The following SLIT2 variants were observed in gnomAD, a reference collection of about 807,000 sequenced individuals.
SLIT2 encodes slit homolog 2 protein.
A neutral mutation model predicts 185.7 loss-of-function variants in SLIT2; 41 were observed. The observed-to-expected ratio is 0.22, with a 90% CI of 0.17 to 0.29. SLIT2 has a LOEUF of 0.29. Among genes scored for constraint, SLIT2 ranks in the 10% least tolerant of loss-of-function variants. SLIT2 has a pLI of 1.00. For missense variants in SLIT2, 1,571 were observed against 1,909.0 expected (o/e 0.82, Z 3.30); for synonymous variants, 693 against 680.2 (o/e 1.02, Z -0.29).
At chr4:20,494,651 T>A (rs1718068116) in intron 9 of SLIT2, among the ~76,000 whole-genome samples, 1 of 151,800 alleles carries the variant, frequency 6.6e-6, no homozygotes, top group Non-Finnish European at 1.5e-5. Context: ...TGGTCGTGGA[T>A]GCCTGTAGTC....
At chr4:20,475,045 T>C (rs905822841) in intron 5 of SLIT2, among the ~76,000 whole-genome samples, 11 of 151,962 alleles carry the variant, frequency 7.2e-5, no homozygotes, top group Non-Finnish European at 1.3e-4. Flanking sequence ...AGATGATTAT[T>C]AAATGCTGTA....
Position 20,556,124 on chromosome 4 carries a change from G to A in SLIT2, c.2725+2156G>A, listed in dbSNP as rs942001390. Among the ~76,000 whole-genome samples, 5 of 151,920 alleles carry A rather than the reference G, an allele frequency of 3.3e-5. 1 individual carries two copies. Among genetic ancestry groups the A allele is most frequent in the African/African-American group, 1.2e-4 (5 of 41,250 alleles). ...TTGCAGTGCCTCTCTGGGATTATGTGCATTGATTGCAAGAATTTTTGCAAT... is the reference window on the plus strand; with the variant it reads ...TTGCAGTGCCTCTCTGGGATTATGTACATTGATTGCAAGAATTTTTGCAAT... On this transcript the variant is annotated intron_variant, in intron 26 of 36. Transcript: ENST00000504154.
chr4:20,313,793 T>G (rs1347420721), intron 4 of SLIT2, among the ~76,000 whole-genome samples: 6 of 152,052 alleles, frequency 3.9e-5, no homozygotes, highest in African/African-American at 1.4e-4. Flanking sequence ...CCTATGACGA[T>G]CTTACGCGGC....
chr4:20,305,303 T>C (rs774989773), intron 4 of SLIT2, among the ~76,000 whole-genome samples: 25 of 152,108 alleles, frequency 1.6e-4, no homozygotes, highest in Non-Finnish European at 3.7e-4. Flanking sequence ...AAATAAATGT[T>C]TGATGAAATG....
At chr4:20,442,621 T>C (rs562867276) in intron 4 of SLIT2, among the ~76,000 whole-genome samples, 51 of 151,782 alleles carry the variant, frequency 3.4e-4, no homozygotes, top group Middle Eastern at 3.4e-3. Context: ...AGGAGCGAAT[T>C]GTAGACTTTG....
At chr4:20,531,443 A>G (rs943650275) in intron 16 of SLIT2, among the ~76,000 whole-genome samples, 1 of 152,174 alleles carries the variant, frequency 6.6e-6, no homozygotes, top group African/African-American at 2.4e-5. Context: ...AAAGTAACCT[A>G]GTGGTTGCCA....
intron 4 of SLIT2, among the ~76,000 whole-genome samples, chr4:20,319,702 G>T (rs948958957): frequency 6.6e-6 from 1 of 150,980 alleles, no homozygotes. Flanking sequence ...AATGAAATGA[G>T]TTTGCAAATA....
At chr4:20,612,604 GT>G (rs997234679) in intron 34 of SLIT2, among the ~76,000 whole-genome samples, 1 of 152,046 alleles carries the variant, frequency 6.6e-6, no homozygotes, top group African/African-American at 2.4e-5. Flanking sequence ...GGAGAGCAAG[GT>G]AACTAAGTTC....
At chr4:20,282,844 A>T (rs1714904489) in intron 4 of SLIT2, among the ~76,000 whole-genome samples, 1 of 152,092 alleles carries the variant, frequency 6.6e-6, no homozygotes, top group African/African-American at 2.4e-5. Context: ...ATTACTTCTG[A>T]TTGAGATTTT....
At chr4:20,506,728 TTG>T (rs1719244406) in intron 9 of SLIT2, among the ~76,000 whole-genome samples, 1 of 152,058 alleles carries the variant, frequency 6.6e-6, no homozygotes, top group African/African-American at 2.4e-5. Context: ...CATTAGTTTA[TTG>T]TTTCTCCACT....
Position 20,479,205 on chromosome 4 carries a change from T to C in SLIT2, c.468-1511T>C, listed in dbSNP as rs369574300. The stretch of plus-strand genomic sequence containing the variant: ...ATGATTGTGTCCCCTAGAGAACTTC[T>C]TATAAATGAGATGTGTATTTCATGA... On this transcript the variant is annotated intron_variant, in intron 5 of 36. Coordinates refer to ENST00000504154, the MANE Select transcript of SLIT2 (RefSeq NM_004787.4). Among the ~76,000 whole-genome samples, 148 of 152,304 alleles carry C rather than the reference T, an allele frequency of 9.7e-4. 3 individuals carry two copies. In the South Asian group the frequency reaches 0.029, roughly 30 times the overall value.
At chr4:20,274,814 CCAA>C (rs1378378261) in intron 4 of SLIT2, among the ~76,000 whole-genome samples, 1 of 151,760 alleles carries the variant, frequency 6.6e-6, no homozygotes, top group East Asian at 1.9e-4. Flanking sequence ...TCTAACTCCA[CCAA>C]CAAGTACTTA....
At chr4:20,497,890 A>AAACAT (rs1358250097) in intron 9 of SLIT2, among the ~76,000 whole-genome samples, 7 of 151,938 alleles carry the variant, frequency 4.6e-5, no homozygotes, top group African/African-American at 1.7e-4. Context: ...AAACAAAACA[A>AAACAT]AAAACGGGCG....
chr4:20,563,332 C>T (rs1365961536), intron 26 of SLIT2, among the ~76,000 whole-genome samples: 1 of 151,760 alleles, frequency 6.6e-6, no homozygotes, highest in African/African-American at 2.4e-5. Context: ...GCACACATCT[C>T]ATGAAAGCTA....
At chr4:20,480,655 C>A in intron 5 of SLIT2, 61 bp from the exon 6 acceptor site, 1 of 1,325,628 alleles carries the variant, frequency 7.5e-7, no homozygotes, top group Non-Finnish European at 1.1e-6. Flanking sequence ...GGAAACTTCT[C>A]ATCACCTACC....
intron 4 of SLIT2, among the ~76,000 whole-genome samples, chr4:20,304,609 A>T (rs1717361954): frequency 6.6e-6 from 1 of 152,116 alleles, no homozygotes; most frequent in South Asian, 2.1e-4. Context: ...TTGTGGTTAG[A>T]GTGCACCATC....
chr4:20,531,279 A>G (rs1721785207), intron 16 of SLIT2, among the ~76,000 whole-genome samples: 1 of 152,218 alleles, frequency 6.6e-6, no homozygotes, highest in African/African-American at 2.4e-5. Flanking sequence ...GTGTAATGAA[A>G]TATCATTCAG....
At chr4:20,423,048 T>G (rs1041474091) in intron 4 of SLIT2, among the ~76,000 whole-genome samples, 2 of 152,116 alleles carry the variant, frequency 1.3e-5, no homozygotes, top group African/African-American at 2.4e-5. Flanking sequence ...GCTATCCCAA[T>G]CTCTACTATG....
At chr4:20,554,947 T>A (rs553597837) in intron 26 of SLIT2, among the ~76,000 whole-genome samples, 1 of 152,106 alleles carries the variant, frequency 6.6e-6, no homozygotes, top group Non-Finnish European at 1.5e-5. Flanking sequence ...TTTTTGTATT[T>A]TTAGTAGAGA....
Sources: allele counts gnomAD v4.1 joint callset (sites outside exome capture counted in the v4.1 genomes callset), GRCh38; gene constraint gnomAD v4.1.1; transcripts MANE v1.5; gene names NCBI Gene and HGNC (gene_info 2026-07-23, HGNC 2026-07-21).